MRE11: variants seen among roughly 807,000 people sequenced by gnomAD.
MRE11 encodes MRE11 double strand break repair nuclease.
In MRE11, 62 loss-of-function variants were observed where a neutral mutation model predicts 91.7. The ratio of observed to expected loss-of-function variants is 0.68; its 90% confidence interval spans 0.55 to 0.84. The LOEUF is 0.84. MRE11 is among the 40% of genes least tolerant of loss of function. The pLI, the probability that MRE11 is intolerant of heterozygous loss-of-function variation, is 0.00. For missense variants in MRE11, 796 were observed against 852.9 expected, an observed-to-expected ratio of 0.93 and a Z score of 0.83; for synonymous variants, 273 against 271.4, an observed-to-expected ratio of 1.01 and a Z score of -0.06.
chr11:94,462,065 ACT>A (rs1376823266), intron 11 of MRE11, among the ~76,000 whole-genome samples: 4 of 151,976 alleles, frequency 2.6e-5, no homozygotes, highest in Non-Finnish European at 4.4e-5. Flanking sequence ...ACAGATCATG[ACT>A]CTGTCTCAAA....
chr11:94,438,437 AAC>A (rs1945684041), intron 16 of MRE11, among the ~76,000 whole-genome samples: 1 of 152,222 alleles, frequency 6.6e-6, no homozygotes, highest in African/African-American at 2.4e-5. Flanking sequence ...GAGAGGCAGA[AAC>A]AGTGTTCTTA....
At position 94,419,798 on chromosome 11, in the gene MRE11, A is replaced by G. The variant is rs1469284287; in HGVS notation, c.*327T>C. The G allele has an allele frequency of 4.0e-6, 1 of 247,240 alleles. No individual in the cohort carries two copies. The highest frequency in any genetic ancestry group is 7.9e-6 in the Non-Finnish European group (1 of 127,126). The allele number at this position is 247,240 out of a possible 1,614,324, so 15.3% of individuals were successfully genotyped here. A position where few individuals can be genotyped will look rare whatever the true frequency, so the allele number is the denominator to read the frequency against. On this transcript the variant is annotated 3_prime_UTR_variant, in exon 20 of 20. Coordinates refer to ENST00000323929, the MANE Select transcript of MRE11 (RefSeq NM_005591.4). ...AAATTACTAAAATTATGAAGAAGTT[A>G]AATTTTATAAGCTCTTTCCCTCAAC...
At chr11:94,454,234 T>C (rs1591664785) in intron 14 of MRE11, among the ~76,000 whole-genome samples, 1 of 151,878 alleles carries the variant, frequency 6.6e-6, no homozygotes, top group South Asian at 2.1e-4. Flanking sequence ...CTACCATGCC[T>C]GGCTAATTTT....
Position 94,475,050 on chromosome 11 carries a change from C to A in MRE11, c.659+1239G>T, listed in dbSNP as rs549005546. ...AGGTAACACAAGTCAGCCTCTTAAA[C>A]CCTTTCTTTTACCGAGTATTTAACC... On this transcript the variant is annotated intron_variant, in intron 7 of 19. Coordinates refer to ENST00000323929, the MANE Select transcript of MRE11 (RefSeq NM_005591.4). Among the ~76,000 whole-genome samples, 18 of 152,254 alleles carry A rather than the reference C, an allele frequency of 1.2e-4. No individual in the cohort carries two copies. The East Asian group carries it at 3.5e-3, about 29-fold the overall frequency.
chr11:94,446,858 CA>C (rs1464909342), intron 15 of MRE11, among the ~76,000 whole-genome samples: 3 of 152,138 alleles, frequency 2.0e-5, no homozygotes, highest in Admixed American at 1.3e-4. Context: ...CTCCTGTTGC[CA>C]AAGGCTTTTA....
intron 19 of MRE11, among the ~76,000 whole-genome samples, chr11:94,427,665 G>C (rs1591631404): frequency 6.6e-6 from 1 of 151,516 alleles, no homozygotes; most frequent in East Asian, 1.9e-4. Context: ...AAGGCTCCTA[G>C]AACTGATAAA....
rs1945110961 is a variant in MRE11 at position 94,419,465 on chromosome 11, G to GA, written c.*659_*660insT. 10 of 216,432 alleles carry GA rather than the reference G, an allele frequency of 4.6e-5. No homozygotes were observed. The East Asian group carries it at 5.1e-4, about 11-fold the overall frequency. 13.4% of individuals were successfully genotyped at this position (216,432 alleles called of 1,614,324 possible). On this transcript the variant is annotated 3_prime_UTR_variant, in exon 20 of 20. Transcript: ENST00000323929. The stretch of plus-strand genomic sequence containing the variant: ...GAAGAGTGGGGAACGGGGGGGAGAG[G>GA]GAGAGAGAGAGAGAGAGAGAGAGAG...
At chr11:94,436,719 C>A (rs12708330) in intron 17 of MRE11, among the ~76,000 whole-genome samples, 4,920 of 152,230 alleles carry the variant, frequency 0.032, 182 homozygotes, top group African/African-American at 0.086. Context: ...GAGCAGAAGG[C>A]CCAGGCTAAA....
chr11:94,484,061 G>A (rs1019349586), intron 4 of MRE11, among the ~76,000 whole-genome samples: 7 of 151,998 alleles, frequency 4.6e-5, no homozygotes, highest in Non-Finnish European at 8.8e-5. Context: ...TGAGTCTGAA[G>A]ACAAGAAAGA....
At chr11:94,455,794 ATCTATAAGATGC>A (rs1178076580) in intron 14 of MRE11, among the ~76,000 whole-genome samples, 1 of 152,228 alleles carries the variant, frequency 6.6e-6, no homozygotes, top group Non-Finnish European at 1.5e-5. Context: ...ATAAGATTTT[ATCTATAAGATGC>A]TCTGCTAACA....
At chr11:94,486,730 G>A (rs1279009315) in intron 3 of MRE11, among the ~76,000 whole-genome samples, 2 of 152,146 alleles carry the variant, frequency 1.3e-5, no homozygotes, top group East Asian at 1.9e-4. Flanking sequence ...GAACTCAAGG[G>A]AGGACAATTC....
In MRE11 at chr11:94,493,007, T is replaced by C. The variant is rs968133384; in HGVS notation, c.-105-101A>G. ...CAAGGTACAGACGTCTTAATTAGACTGGCAAATTTAGAAGTCTCATTTTCA... is the reference window on the plus strand; with the variant it reads ...CAAGGTACAGACGTCTTAATTAGACCGGCAAATTTAGAAGTCTCATTTTCA... On this transcript the variant is annotated intron_variant, in intron 1 of 19. Coordinates refer to ENST00000323929, the MANE Select transcript of MRE11 (RefSeq NM_005591.4). 6 of 576,718 alleles carry C rather than the reference T, an allele frequency of 1.0e-5. No homozygotes were observed. In the African/African-American group the frequency reaches 1.1e-4, roughly 11 times the overall value. The allele number at this position is 576,718 out of a possible 1,614,324, so 35.7% of individuals were successfully genotyped here.
At chr11:94,509,927 TA>T in the MRE11 span, among the ~76,000 whole-genome samples, 1 of 152,236 alleles carries the variant, frequency 6.6e-6, no homozygotes, top group Admixed American at 6.5e-5. Flanking sequence ...TTATATTTGC[TA>T]ATATTTTATT....
chr11:94,443,926 T>G (rs1343506470), intron 16 of MRE11, among the ~76,000 whole-genome samples: 1 of 150,918 alleles, frequency 6.6e-6, no homozygotes, highest in East Asian at 1.9e-4. Context: ...CAATTTTTTT[T>G]TTTTTTTTTT....
the MRE11 span, among the ~76,000 whole-genome samples, chr11:94,504,640 A>G: frequency 6.6e-6 from 1 of 152,348 alleles, no homozygotes; most frequent in South Asian, 2.1e-4. Context: ...TTTAGCATCT[A>G]CTTTTCCGAA....
At chr11:94,458,550 AC>A (rs1946324536) in intron 13 of MRE11, among the ~76,000 whole-genome samples, 1 of 152,070 alleles carries the variant, frequency 6.6e-6, no homozygotes, top group African/African-American at 2.4e-5. Context: ...AAGATGAATC[AC>A]TCCATACACA....
the MRE11 span, among the ~76,000 whole-genome samples, chr11:94,509,332 T>C: frequency 6.6e-6 from 1 of 152,240 alleles, no homozygotes; most frequent in East Asian, 1.9e-4. Context: ...CATTCCATTT[T>C]TAATTTTTTT....
intron 14 of MRE11, among the ~76,000 whole-genome samples, chr11:94,455,312 T>C (rs1946221313): frequency 6.6e-6 from 1 of 152,144 alleles, no homozygotes; most frequent in Non-Finnish European, 1.5e-5. Flanking sequence ...CTTACACAAA[T>C]GTCTCTTATC....
chr11:94,424,945 A>G (rs894188010), intron 19 of MRE11, among the ~76,000 whole-genome samples: 1 of 152,204 alleles, frequency 6.6e-6, no homozygotes, highest in Non-Finnish European at 1.5e-5. Flanking sequence ...CAGTCCAGAA[A>G]AATTTCTCCA....
Sources: gnomAD v4.1 joint callset for allele counts (sites outside exome capture counted in the v4.1 genomes callset) on GRCh38, gnomAD v4.1.1 for gene constraint, MANE v1.5 for transcripts, NCBI Gene and HGNC (gene_info 2026-07-23, HGNC 2026-07-21) for gene names.